Variants in RBFOX1 observed in about 807,000 individuals in gnomAD.
RBFOX1 encodes the protein RNA binding fox-1 homolog 1.
A neutral mutation model predicts 57.7 loss-of-function variants in RBFOX1; 8 were observed. That is an observed-to-expected ratio of 0.14 (90% CI 0.08 to 0.25). The LOEUF (loss-of-function observed/expected upper bound fraction) is 0.25. Ranked by LOEUF, RBFOX1 falls within the 10% of genes least tolerant of loss-of-function variation. RBFOX1 has a pLI of 1.00. For missense variants in RBFOX1, 611 were observed against 548.5 expected (o/e 1.11, Z -1.14); for synonymous variants, 326 against 222.4 (o/e 1.47, Z -4.15).
intron 1 of RBFOX1, among the ~76,000 whole-genome samples, chr16:5,383,260 A>G (rs1403360932): frequency 1.3e-5 from 2 of 152,152 alleles, no homozygotes; most frequent in Admixed American, 6.5e-5. Flanking sequence ...TCATGAATGT[A>G]TAAGTGGCGC....
At chr16:7,662,777 C>T (rs2068096072) in intron 12 of RBFOX1, among the ~76,000 whole-genome samples, 1 of 152,166 alleles carries the variant, frequency 6.6e-6, no homozygotes, top group Non-Finnish European at 1.5e-5. Flanking sequence ...ATGATGCCAC[C>T]CATCCCTTTG....
At chr16:7,343,833 C>T (rs1041876966) in intron 4 of RBFOX1, among the ~76,000 whole-genome samples, 3 of 152,226 alleles carry the variant, frequency 2.0e-5, no homozygotes, top group Admixed American at 6.5e-5. Context: ...TTTTTCCCTT[C>T]TGGGCAGTAG....
intron 2 of RBFOX1, among the ~76,000 whole-genome samples, chr16:6,520,755 C>G (rs1439757255): frequency 1.3e-5 from 2 of 152,254 alleles, no homozygotes; most frequent in East Asian, 3.9e-4. Flanking sequence ...CGATCAAGTG[C>G]CAGTCCCTTG....
chr16:6,923,109 T>C (rs572747992), intron 3 of RBFOX1, among the ~76,000 whole-genome samples: 103 of 152,166 alleles, frequency 6.8e-4, no homozygotes, highest in Non-Finnish European at 1.1e-3. Flanking sequence ...AGAAAGTGAT[T>C]TGTAGAATTC....
chr16:6,262,829 TCA>T lies in RBFOX1; in HGVS notation c.-126-54163_-126-54162del, dbSNP rs558148796. Among the ~76,000 whole-genome samples, 8 of 152,230 alleles carry T rather than the reference TCA, an allele frequency of 5.3e-5. No homozygotes were observed. In the South Asian group the frequency reaches 1.7e-3, roughly 32 times the overall value. On this transcript the variant is annotated intron_variant, in intron 1 of 15. Transcript: ENST00000550418. ...GAAGCGCCCATTCTAAGTACCAGGG[TCA>T]CAGTGGGCAACAAGGCAGGCCATCT...
chr16:5,388,122 T>C (rs1343947963), intron 1 of RBFOX1, among the ~76,000 whole-genome samples: 1 of 152,222 alleles, frequency 6.6e-6, no homozygotes, highest in Non-Finnish European at 1.5e-5. Context: ...GTCAGACTTC[T>C]GACCTCCAGA....
chr16:6,540,795 A>C (rs937929020), intron 2 of RBFOX1, among the ~76,000 whole-genome samples: 1 of 152,184 alleles, frequency 6.6e-6, no homozygotes, highest in African/African-American at 2.4e-5. Context: ...AGACTGGCTT[A>C]TCTTACTCTA....
At chr16:6,754,835 C>G (rs564745002) in intron 3 of RBFOX1, among the ~76,000 whole-genome samples, 1 of 152,184 alleles carries the variant, frequency 6.6e-6, no homozygotes, top group African/African-American at 2.4e-5. Flanking sequence ...GGTATATCTC[C>G]TAAAGCTATC....
chr16:6,713,989 C>T (rs1246080123), intron 3 of RBFOX1, among the ~76,000 whole-genome samples: 1 of 152,168 alleles, frequency 6.6e-6, no homozygotes, highest in Non-Finnish European at 1.5e-5. Flanking sequence ...GCTTTGTGTA[C>T]CCACGTAAAT....
At chr16:6,806,822 A>ATAAATATATATATATATATT (rs141518857) in intron 3 of RBFOX1, among the ~76,000 whole-genome samples, 1 of 74,050 alleles carries the variant, frequency 1.4e-5, no homozygotes, top group Admixed American at 1.6e-4. Flanking sequence ...ATATAAATAT[A>ATAAATATATATATATATATT]TATATATATA....
chr16:6,521,316 G>C (rs908514197), intron 2 of RBFOX1, among the ~76,000 whole-genome samples: 1 of 152,076 alleles, frequency 6.6e-6, no homozygotes, highest in African/African-American at 2.4e-5. Context: ...TGAAGCCCAA[G>C]ACATCCCTGT....
At chr16:7,073,109 T>G (rs191519433) in intron 4 of RBFOX1, among the ~76,000 whole-genome samples, 6 of 152,288 alleles carry the variant, frequency 3.9e-5, no homozygotes, top group Admixed American at 3.9e-4. Flanking sequence ...GATCAGACTT[T>G]AGGAGTAAAG....
chr16:6,924,777 C>G (rs1404358789), intron 3 of RBFOX1, among the ~76,000 whole-genome samples: 2 of 151,008 alleles, frequency 1.3e-5, no homozygotes, highest in African/African-American at 4.9e-5. Flanking sequence ...GTGTGCTGCA[C>G]CCATTAACTT....
intron 3 of RBFOX1, among the ~76,000 whole-genome samples, chr16:6,678,759 C>T (rs1187601874): frequency 3.9e-5 from 6 of 151,930 alleles, no homozygotes; most frequent in Admixed American, 3.3e-4. Flanking sequence ...GCTAAGATAC[C>T]ACTGACTTGA....
chr16:6,940,158 C>G (rs945056420), intron 3 of RBFOX1, among the ~76,000 whole-genome samples: 1 of 151,954 alleles, frequency 6.6e-6, no homozygotes, highest in East Asian at 1.9e-4. Context: ...CGCTGCTCCA[C>G]TCCAGTCTGG....
chr16:7,550,421 G>T (rs1456779177), intron 5 of RBFOX1, among the ~76,000 whole-genome samples: 1 of 152,144 alleles, frequency 6.6e-6, no homozygotes, highest in African/African-American at 2.4e-5. Context: ...CTGAGAGCCC[G>T]TGGAATGTTT....
chr16:6,882,245 G>A (rs926754029), intron 3 of RBFOX1, among the ~76,000 whole-genome samples: 1 of 152,144 alleles, frequency 6.6e-6, no homozygotes, highest in South Asian at 2.1e-4. Context: ...TAGAGAGATG[G>A]AGAGGGAGAA....
At position 7,051,632 on chromosome 16, in the gene RBFOX1, C is replaced by T. The variant is rs111576901; in HGVS notation, c.-15-425C>T. Reference sequence around the variant, plus strand: ...GACAACTGACACTACTGGCCCTAAACATTGGAGAAGACTTTGTGTGTTTTC... The same window carrying T: ...GACAACTGACACTACTGGCCCTAAATATTGGAGAAGACTTTGTGTGTTTTC... On this transcript the variant is annotated intron_variant, in intron 3 of 15. Transcript: ENST00000550418. 5.1e-3 allele frequency among the ~76,000 whole-genome samples: 780 copies of T among 152,328 alleles called. 10 individuals are homozygous for T. The highest frequency in any genetic ancestry group is 0.018 in the African/African-American group (738 of 41,578).
chr16:5,496,462 CT>C (rs1282988166), intron 2 of RBFOX1, among the ~76,000 whole-genome samples: 2 of 152,088 alleles, frequency 1.3e-5, no homozygotes. Context: ...TCAGAGAGGC[CT>C]TTTCCATCTG....
Sources: allele counts gnomAD v4.1 joint callset (sites outside exome capture counted in the v4.1 genomes callset), GRCh38; gene constraint gnomAD v4.1.1; transcripts MANE v1.5; gene names NCBI Gene and HGNC (gene_info 2026-07-23, HGNC 2026-07-21).